Variants in TPD52 observed in about 807,000 individuals in gnomAD.
TPD52 encodes prostate and colon associated protein.
TPD52 carries 17 observed loss-of-function variants against 31.3 expected under a neutral mutation model. The ratio of observed to expected loss-of-function variants is 0.54; its 90% CI spans 0.37 to 0.82. The LOEUF is 0.82. Ranked by LOEUF, TPD52 falls within the 40% of genes least tolerant of loss-of-function variation. The pLI, the probability that TPD52 is intolerant of heterozygous loss-of-function variation, is 0.00. For synonymous variants in TPD52, 83 were observed against 89.6 expected, an observed-to-expected ratio of 0.93 and a Z score of 0.42; for missense variants, 212 against 240.1, an observed-to-expected ratio of 0.88 and a Z score of 0.77.
intron 3 of TPD52, chr8:80,052,813 A>C: frequency 3.1e-6 from 1 of 321,670 alleles, no homozygotes; most frequent in Non-Finnish European, 5.6e-6. Flanking sequence ...TTTGATACCT[A>C]CACAACAAGG....
chr8:80,149,178 G>A (rs1390257921), intron 1 of TPD52, among the ~76,000 whole-genome samples: 7 of 152,182 alleles, frequency 4.6e-5, no homozygotes. Flanking sequence ...TGTGTTGTGG[G>A]AGGGACCCAG....
At chr8:80,150,483 A>G (rs1376638655) in intron 1 of TPD52, among the ~76,000 whole-genome samples, 1 of 152,180 alleles carries the variant, frequency 6.6e-6, no homozygotes, top group South Asian at 2.1e-4. Flanking sequence ...AGATCCACCA[A>G]TAGCTTGCAC....
At chr8:80,107,921 C>T (rs1423212501) in intron 1 of TPD52, among the ~76,000 whole-genome samples, 1 of 152,086 alleles carries the variant, frequency 6.6e-6, no homozygotes, top group Non-Finnish European at 1.5e-5. Flanking sequence ...ATCATAAAAC[C>T]ATAAATCCAA....
At chr8:80,143,363 G>A (rs1809968940) in intron 1 of TPD52, among the ~76,000 whole-genome samples, 1 of 152,166 alleles carries the variant, frequency 6.6e-6, no homozygotes, top group Non-Finnish European at 1.5e-5. Flanking sequence ...AATCCCGAAT[G>A]AGGGTCCAGG....
intron 1 of TPD52, among the ~76,000 whole-genome samples, chr8:80,137,849 G>T (rs989031253): frequency 2.0e-5 from 3 of 152,270 alleles, no homozygotes; most frequent in Admixed American, 6.5e-5. Context: ...AAGGCGGGAG[G>T]ATCACTTGAG....
chr8:80,163,087 C>T (rs975390948), intron 1 of TPD52, among the ~76,000 whole-genome samples: 2 of 152,058 alleles, frequency 1.3e-5, no homozygotes, highest in African/African-American at 2.4e-5. Flanking sequence ...AAAATTAAAA[C>T]AGAATTATCA....
chr8:80,145,903 T>C (rs575173998), intron 1 of TPD52, among the ~76,000 whole-genome samples: 2 of 152,320 alleles, frequency 1.3e-5, no homozygotes, highest in East Asian at 3.9e-4. Flanking sequence ...AAAAATCTCA[T>C]ATCTATAAAA....
At chr8:80,077,669 T>C (rs895806583) in intron 1 of TPD52, among the ~76,000 whole-genome samples, 1 of 152,234 alleles carries the variant, frequency 6.6e-6, no homozygotes, top group African/African-American at 2.4e-5. Context: ...GTTGAGAACA[T>C]CACATATGTC....
chr8:80,063,396 G>A (rs771405551), intron 2 of TPD52, among the ~76,000 whole-genome samples: 3 of 152,346 alleles, frequency 2.0e-5, no homozygotes, highest in Non-Finnish European at 2.9e-5. Flanking sequence ...GGCTGAAGGA[G>A]GGGAGTAGTC....
At chr8:80,127,135 A>G (rs1355715830) in intron 1 of TPD52, among the ~76,000 whole-genome samples, 1 of 152,124 alleles carries the variant, frequency 6.6e-6, no homozygotes, top group Non-Finnish European at 1.5e-5. Context: ...AGAGAAAGAT[A>G]CCATGTTAAA....
intron 2 of TPD52, among the ~76,000 whole-genome samples, chr8:80,059,082 C>G (rs1027012214): frequency 4.6e-5 from 7 of 152,184 alleles, no homozygotes; most frequent in African/African-American, 1.7e-4. Context: ...AAACAAGTCT[C>G]AATAAACTTA....
rs143859651 is a variant in TPD52, at chr8:80,063,780, G to C, written c.135+698C>G. On this transcript the variant is annotated intron_variant, in intron 2 of 7. Transcript: ENST00000518937. ...CCACTGCACTCCAGCCTGGGCAACA[G>C]AGCGAGACTCCATCTCGAAAAATAA... 2.4e-3 allele frequency among the ~76,000 whole-genome samples: 358 copies of C among 151,714 alleles called. 5 individuals carry two copies. The highest frequency in any genetic ancestry group is 8.1e-3 in the African/African-American group (336 of 41,304).
rs1563550442 is a variant in TPD52, at chr8:80,035,049, T to C, written c.*3067A>G. ...GGTTTACTTAAAAGTGATAATGGTT[T>C]ATATTAACTGTGGCCCACACAGGGT... On this transcript the variant is annotated 3_prime_UTR_variant, in exon 8 of 8. Transcript: ENST00000518937. The C allele has an allele frequency of 6.6e-6, 1 of 152,198 alleles. No homozygotes were observed. The highest frequency in any genetic ancestry group is 6.5e-5 in the Admixed American group (1 of 15,282). 9.4% of individuals were successfully genotyped at this position (152,198 alleles called of 1,614,324 possible).
At chr8:80,166,994 G>A (rs1392042175) in intron 1 of TPD52, among the ~76,000 whole-genome samples, 3 of 152,172 alleles carry the variant, frequency 2.0e-5, no homozygotes, top group South Asian at 2.1e-4. Context: ...TCTCATTCTC[G>A]CACAGGATTA....
chr8:80,084,316 C>T (rs1335285513), intron 1 of TPD52, among the ~76,000 whole-genome samples: 1 of 152,258 alleles, frequency 6.6e-6, no homozygotes, highest in Non-Finnish European at 1.5e-5. Context: ...GCAGACACCC[C>T]ATCCCCTTGT....
intron 1 of TPD52, among the ~76,000 whole-genome samples, chr8:80,156,077 G>C (rs534942036): frequency 6.6e-6 from 1 of 152,224 alleles, no homozygotes; most frequent in South Asian, 2.1e-4. Flanking sequence ...ACTGTAGTTT[G>C]GGCATGGCTT....
chr8:80,073,112 CAGAA>C (rs1814117146), intron 1 of TPD52, among the ~76,000 whole-genome samples: 1 of 151,654 alleles, frequency 6.6e-6, no homozygotes, highest in South Asian at 2.1e-4. Context: ...GAAAGAAATA[CAGAA>C]AGAAAGAAGG....
chr8:80,118,880 A>G (rs1808051884), intron 1 of TPD52, among the ~76,000 whole-genome samples: 1 of 152,254 alleles, frequency 6.6e-6, no homozygotes, highest in Non-Finnish European at 1.5e-5. Context: ...AAGGTTAAAT[A>G]TAGAAATTAC....
chr8:80,110,906 G>A (rs2887723), intron 1 of TPD52, among the ~76,000 whole-genome samples: 65,886 of 152,098 alleles, frequency 0.43, 14,894 homozygotes, highest in East Asian at 0.79. Context: ...ATCAACTGCT[G>A]AATGCTCAAG....
Sources: allele counts gnomAD v4.1 joint callset (sites outside exome capture counted in the v4.1 genomes callset), GRCh38; gene constraint gnomAD v4.1.1; transcripts MANE v1.5; gene names NCBI Gene and HGNC (gene_info 2026-07-23, HGNC 2026-07-21).